ADGRL4: variants seen among roughly 807,000 people sequenced by gnomAD.
ADGRL4 encodes EGF, latrophilin and seven transmembrane domain containing 1.
ADGRL4 carries 90 observed loss-of-function variants against 74.8 expected under a neutral mutation model. The observed-to-expected ratio is 1.20, with a 90% confidence interval of 1.02 to 1.43. ADGRL4 has a LOEUF of 1.43. ADGRL4 is among the 40% of genes most tolerant of loss of function. ADGRL4 has a pLI of 0.00. For missense variants in ADGRL4, 881 were observed against 814.3 expected (o/e 1.08, Z -1.00); for synonymous variants, 311 against 279.2 (o/e 1.11, Z -1.14).
intron 2 of ADGRL4, among the ~76,000 whole-genome samples, chr1:78,956,045 T>C (rs766269382): frequency 4.6e-5 from 7 of 152,174 alleles, no homozygotes; most frequent in Non-Finnish European, 2.9e-5. Flanking sequence ...CAACAGCATA[T>C]AGCATCAGGA....
intron 2 of ADGRL4, among the ~76,000 whole-genome samples, chr1:78,974,425 G>A (rs560002212): frequency 9.9e-5 from 15 of 152,148 alleles, no homozygotes; most frequent in Middle Eastern, 3.4e-3. Context: ...CTAAGAGATT[G>A]AAAAAGAAAA....
chr1:78,917,555 A>G, intron 12 of ADGRL4, 79 bp downstream of exon 12: 2 of 825,668 alleles, frequency 2.4e-6, no homozygotes, highest in Non-Finnish European at 3.7e-6. Flanking sequence ...TTTTAGAATA[A>G]CACCTTATTG....
chr1:78,978,864 C>CT (rs202232139), intron 2 of ADGRL4, among the ~76,000 whole-genome samples: 6 of 151,350 alleles, frequency 4.0e-5, no homozygotes, highest in Non-Finnish European at 7.4e-5. Flanking sequence ...AAGATCTTAT[C>CT]TTTTTTTTTC....
At chr1:78,912,017 C>G (rs1648772724) in intron 12 of ADGRL4, among the ~76,000 whole-genome samples, 1 of 151,736 alleles carries the variant, frequency 6.6e-6, no homozygotes, top group Non-Finnish European at 1.5e-5. Context: ...CTAGGCACTT[C>G]TATACTGCAG....
chr1:78,974,188 G>T (rs1209469053), intron 2 of ADGRL4, among the ~76,000 whole-genome samples: 4 of 152,034 alleles, frequency 2.6e-5, no homozygotes, highest in Admixed American at 6.6e-5. Flanking sequence ...TTCTATGCTT[G>T]GAGTGACTCT....
chr1:79,005,116 G>C lies in ADGRL4; in HGVS notation c.126C>G (p.Cys42Trp). 1 of 1,612,708 alleles carries C rather than the reference G, an allele frequency of 6.2e-7. No individual in the cohort carries two copies. Among genetic ancestry groups the C allele is most frequent in the Non-Finnish European group, 8.5e-7 (1 of 1,179,546 alleles). Residue 42 changes from cysteine to tryptophan, a missense_variant, in exon 2 of 15, where the codon TGC becomes TGG. Coordinates refer to ENST00000370742, the MANE Select transcript of ADGRL4 (RefSeq NM_022159.4). ...TTCCTGAAAATCCCATGTTGCAATA[G>C]CAGGCTTCAATTCCATTGCGTATTT... is the stretch of plus-strand genomic sequence containing the variant. ...KCEIRNGIEA[C>W]YCNMGFSGNG...
intron 12 of ADGRL4, among the ~76,000 whole-genome samples, chr1:78,900,403 G>A (rs538383108): frequency 9.2e-5 from 14 of 152,210 alleles, no homozygotes; most frequent in South Asian, 6.2e-4. Context: ...CGTTTGTGTC[G>A]TCTTAGGCCA....
intron 2 of ADGRL4, among the ~76,000 whole-genome samples, chr1:78,999,627 C>A (rs1206606585): frequency 6.6e-6 from 1 of 152,044 alleles, no homozygotes; most frequent in African/African-American, 2.4e-5. Flanking sequence ...ACATTCCTAG[C>A]AGCTTCAAAA....
At chr1:78,950,560 T>C (rs1052241855) in intron 2 of ADGRL4, among the ~76,000 whole-genome samples, 10 of 152,176 alleles carry the variant, frequency 6.6e-5, no homozygotes, top group Middle Eastern at 6.8e-3. Context: ...CAAAACAGAA[T>C]CAAGGAGAAA....
intron 2 of ADGRL4, among the ~76,000 whole-genome samples, chr1:78,971,616 GA>G (rs1650169146): frequency 6.6e-6 from 1 of 152,186 alleles, no homozygotes; most frequent in Non-Finnish European, 1.5e-5. Context: ...AAGTATCTGT[GA>G]GCCTAATGTC....
At chr1:78,953,466 G>C (rs540214559) in intron 2 of ADGRL4, among the ~76,000 whole-genome samples, 2 of 152,130 alleles carry the variant, frequency 1.3e-5, no homozygotes, top group Non-Finnish European at 2.9e-5. Flanking sequence ...AATAGTATCA[G>C]ATTCTTGCTA....
intron 2 of ADGRL4, among the ~76,000 whole-genome samples, chr1:78,948,203 G>A (rs1252080479): frequency 6.6e-6 from 1 of 152,026 alleles, no homozygotes; most frequent in African/African-American, 2.4e-5. Flanking sequence ...TTTATTACTG[G>A]GAAGACAGAA....
At chr1:78,955,488 G>A (rs532673042) in intron 2 of ADGRL4, among the ~76,000 whole-genome samples, 3 of 151,664 alleles carry the variant, frequency 2.0e-5, no homozygotes, top group Admixed American at 6.6e-5. Flanking sequence ...ATCTTGTATC[G>A]CAATTATAAA....
At chr1:78,999,942 A>T (rs979952571) in intron 2 of ADGRL4, among the ~76,000 whole-genome samples, 1 of 137,506 alleles carries the variant, frequency 7.3e-6, no homozygotes, top group Non-Finnish European at 1.6e-5. Context: ...ACATTGAAAT[A>T]ATGTCAACCC....
At position 78,891,785 on chromosome 1, in the gene ADGRL4, G is replaced by A. The variant is rs568471140; in HGVS notation, c.1842-93C>T. ...AAATTATGTGGGAGGTGAGTTTTCA[G>A]TATAACCAAGAAACCTTTTACAAAT... is the stretch of plus-strand genomic sequence containing the variant. On this transcript the variant is annotated intron_variant, in intron 13 of 14. Coordinates refer to ENST00000370742, the MANE Select transcript of ADGRL4 (RefSeq NM_022159.4). 47 of 1,108,200 alleles carry A rather than the reference G, an allele frequency of 4.2e-5. 1 individual carries two copies. In the South Asian group the frequency reaches 7.7e-4, roughly 18 times the overall value. The allele number at this position is 1,108,200 out of a possible 1,614,324, so 68.6% of individuals were successfully genotyped here.
rs1648246420 is a variant in ADGRL4, at chr1:78,890,495, T to C, written c.*659A>G. On this transcript the variant is annotated 3_prime_UTR_variant, in exon 15 of 15. Transcript: ENST00000370742. ...TTTTTTCAATTTGTGGAGGTAAACC[T>C]TTTTTTTTTTTTTAGAATATTAGAA... 1 of 141,524 alleles carries C rather than the reference T, an allele frequency of 7.1e-6. No individual in the cohort carries two copies. The highest frequency in any genetic ancestry group is 7.1e-5 in the Admixed American group (1 of 14,068). The allele number at this position is 141,524 out of a possible 1,614,324, so 8.8% of individuals were successfully genotyped here. A position where few individuals can be genotyped will look rare whatever the true frequency, so the allele number is the denominator to read the frequency against.
At chr1:78,921,472 C>T in intron 9 of ADGRL4, 141 bp downstream of exon 9, 1 of 429,714 alleles carries the variant, frequency 2.3e-6, no homozygotes, top group East Asian at 3.6e-5. Flanking sequence ...AAGAAAGATC[C>T]TGTTGGGGTT....
At chr1:78,964,446 T>C (rs566016992) in intron 2 of ADGRL4, among the ~76,000 whole-genome samples, 2 of 152,292 alleles carry the variant, frequency 1.3e-5, no homozygotes, top group South Asian at 2.1e-4. Context: ...GTTGTTTACA[T>C]CCCCATATAT....
At chr1:78,917,498 G>A (rs1261284933) in intron 12 of ADGRL4, 136 bp downstream of exon 12, 5 of 453,190 alleles carry the variant, frequency 1.1e-5, no homozygotes, top group Admixed American at 4.0e-5. Context: ...TATAGTATAT[G>A]TAAAATGCTG....
Sources: gnomAD v4.1 joint callset for allele counts (sites outside exome capture counted in the v4.1 genomes callset) on GRCh38, gnomAD v4.1.1 for gene constraint, MANE v1.5 for transcripts, NCBI Gene and HGNC (gene_info 2026-07-23, HGNC 2026-07-21) for gene names.